SYNPR: variants seen among roughly 807,000 people sequenced by gnomAD.
The protein encoded by SYNPR is synaptoporin.
Under a neutral mutation model 32.9 loss-of-function variants are expected in SYNPR, and 23 were observed. That is an observed-to-expected ratio of 0.70 (90% CI 0.50 to 0.99). The LOEUF is 0.99. SYNPR is among the 50% of genes least tolerant of loss of function. The pLI is 0.00. For missense variants in SYNPR, 318 were observed against 349.3 expected (o/e 0.91, Z 0.71); for synonymous variants, 146 against 135.9 (o/e 1.07, Z -0.52).
intron 2 of SYNPR, among the ~76,000 whole-genome samples, chr3:63,334,957 A>C (rs574552513): frequency 6.6e-6 from 1 of 152,300 alleles, no homozygotes; most frequent in Admixed American, 6.5e-5. Context: ...TGCACCCTGC[A>C]CTGTGTGGTC....
chr3:63,404,934 T>C (rs2107106994), intron 2 of SYNPR, among the ~76,000 whole-genome samples: 1 of 152,316 alleles, frequency 6.6e-6, no homozygotes, highest in Non-Finnish European at 1.5e-5. Context: ...TAACTCTATG[T>C]AGTCAGAAAT....
At chr3:63,306,536 TA>T (rs5849547) in intron 2 of SYNPR, among the ~76,000 whole-genome samples, 68,639 of 148,846 alleles carry the variant, frequency 0.46, 15,798 homozygotes, top group Middle Eastern at 0.53. Context: ...TACCAGTGAT[TA>T]AAAAAAAAAA....
rs139587873 is a variant in SYNPR, at chr3:63,240,740, C to T, written n.67-11759C>T. ...TGTGCTGGAGTCATTGCCAGTTACA[C>T]GCATACTCTTTGTGTGAGTGAGAAT... is the stretch of plus-strand genomic sequence containing the variant. On this transcript the variant is annotated intron_variant and non_coding_transcript_variant, in intron 1 of 4. Coordinates refer to the SYNPR transcript ENST00000478456. Among the ~76,000 whole-genome samples the T allele has an allele frequency of 1.6e-4, 24 of 152,212 alleles. No homozygotes were observed. The East Asian group carries it at 2.5e-3, about 16-fold the overall frequency.
intron 2 of SYNPR, among the ~76,000 whole-genome samples, chr3:63,305,977 A>G (rs1462131979): frequency 1.3e-5 from 2 of 151,798 alleles, no homozygotes; most frequent in Admixed American, 6.6e-5. Flanking sequence ...ATCCACCACA[A>G]TCTCTGCATT....
intron 3 of SYNPR, among the ~76,000 whole-genome samples, chr3:63,481,216 A>AG (rs1701042189): frequency 6.6e-6 from 1 of 152,120 alleles, no homozygotes; most frequent in Non-Finnish European, 1.5e-5. Context: ...AGAAGGAGGG[A>AG]GGGAAAAAGA....
At chr3:63,315,085 T>C (rs964923724) in intron 2 of SYNPR, among the ~76,000 whole-genome samples, 1 of 152,082 alleles carries the variant, frequency 6.6e-6, no homozygotes, top group Non-Finnish European at 1.5e-5. Context: ...TACTGTGTCA[T>C]TGGTCTATGT....
chr3:63,310,634 C>T (rs992680469), intron 2 of SYNPR, among the ~76,000 whole-genome samples: 1 of 151,990 alleles, frequency 6.6e-6, no homozygotes, highest in Admixed American at 6.6e-5. Context: ...TTTCCTTGCT[C>T]CAAGGCCTCA....
At chr3:63,524,373 G>T (rs1006854103) in intron 3 of SYNPR, among the ~76,000 whole-genome samples, 1 of 152,150 alleles carries the variant, frequency 6.6e-6, no homozygotes, top group African/African-American at 2.4e-5. Flanking sequence ...TGTCTGCAGG[G>T]CATGTGCTAC....
chr3:63,584,094 G>C (rs1397337117), intron 4 of SYNPR, among the ~76,000 whole-genome samples: 1 of 152,054 alleles, frequency 6.6e-6, no homozygotes. Context: ...TTGCTGTCCT[G>C]TCGGCATAGG....
At chr3:63,415,601 T>C (rs74715127) in intron 2 of SYNPR, among the ~76,000 whole-genome samples, 4,284 of 152,148 alleles carry the variant, frequency 0.028, 132 homozygotes, top group African/African-American at 0.079. Context: ...CCATAGACAA[T>C]ATGTAACCAA....
intron 1 of SYNPR, among the ~76,000 whole-genome samples, chr3:63,238,146 A>G (rs1575572557): frequency 6.6e-6 from 1 of 152,162 alleles, no homozygotes; most frequent in East Asian, 1.9e-4. Flanking sequence ...TAGTTCCTTA[A>G]GTCCTGAGGT....
chr3:63,555,116 T>C (rs981292754), intron 3 of SYNPR, among the ~76,000 whole-genome samples: 2 of 151,914 alleles, frequency 1.3e-5, no homozygotes, highest in East Asian at 1.9e-4. Context: ...TTTTAGCAGA[T>C]TATTTAGAAT....
chr3:63,311,827 A>G (rs1478619722), intron 2 of SYNPR, among the ~76,000 whole-genome samples: 2 of 152,072 alleles, frequency 1.3e-5, no homozygotes, highest in Non-Finnish European at 2.9e-5. Flanking sequence ...ATAGTCTTCT[A>G]TGTATTATTT....
intron 3 of SYNPR, among the ~76,000 whole-genome samples, chr3:63,267,846 T>C (rs2106906453): frequency 6.6e-6 from 1 of 152,282 alleles, no homozygotes; most frequent in South Asian, 2.1e-4. Context: ...ATGCCTGAGG[T>C]TTTTTTCAGG....
chr3:63,498,131 G>T (rs910640253), intron 3 of SYNPR, among the ~76,000 whole-genome samples: 1 of 152,126 alleles, frequency 6.6e-6, no homozygotes, highest in African/African-American at 2.4e-5. Flanking sequence ...AACCAGATGA[G>T]GATAGGGTGC....
At chr3:63,283,485 T>C (rs1164193873) in intron 2 of SYNPR, among the ~76,000 whole-genome samples, 1 of 152,196 alleles carries the variant, frequency 6.6e-6, no homozygotes, top group Non-Finnish European at 1.5e-5. Flanking sequence ...TTTACATTTA[T>C]TCCCTGATGA....
At position 63,564,260 on chromosome 3, in the gene SYNPR, G is replaced by C. The variant is rs533706359; in HGVS notation, c.408+7519G>C. On this transcript the variant is annotated intron_variant, in intron 4 of 5. Transcript: ENST00000478300. ...CAGCCTGGAGTGCAGTGGCACAGTCGATCTCGGCTCACTGCAACCACTGCC... is the reference window on the plus strand; with the variant it reads ...CAGCCTGGAGTGCAGTGGCACAGTCCATCTCGGCTCACTGCAACCACTGCC... 5.0e-4 allele frequency among the ~76,000 whole-genome samples: 74 copies of C among 148,656 alleles called. 2 individuals carry two copies. In the South Asian group the frequency reaches 0.012, roughly 25 times the overall value.
At chr3:63,497,483 C>T (rs1701393479) in intron 3 of SYNPR, among the ~76,000 whole-genome samples, 1 of 151,488 alleles carries the variant, frequency 6.6e-6, no homozygotes, top group Admixed American at 6.6e-5. Context: ...TCTTCTAAGT[C>T]ATCACAATTG....
At chr3:63,546,387 G>A (rs2106813223) in intron 3 of SYNPR, among the ~76,000 whole-genome samples, 1 of 152,098 alleles carries the variant, frequency 6.6e-6, no homozygotes, top group Non-Finnish European at 1.5e-5. Context: ...AGGGAGGAGT[G>A]AAATTTGAAA....
Sources: gnomAD v4.1 joint callset for allele counts (sites outside exome capture counted in the v4.1 genomes callset) on GRCh38, gnomAD v4.1.1 for gene constraint, MANE v1.5 for transcripts, NCBI Gene and HGNC (gene_info 2026-07-23, HGNC 2026-07-21) for gene names.